ABCC4: variants seen among roughly 807,000 people sequenced by gnomAD.
ABCC4 encodes ATP binding cassette subfamily C member 4 (PEL blood group).
A neutral mutation model predicts 168.5 loss-of-function variants in ABCC4; 102 were observed. The ratio of observed to expected loss-of-function variants is 0.61; its 90% CI spans 0.52 to 0.71. The LOEUF is 0.71. Ranked by LOEUF, ABCC4 falls within the 30% of genes least tolerant of loss-of-function variation. ABCC4 has a pLI of 0.00. For synonymous variants in ABCC4, 617 were observed against 590.7 expected (o/e 1.04, Z -0.65); for missense variants, 1,402 against 1,605.8 (o/e 0.87, Z 2.17).
chr13:95,218,860 AAAAAG>A (rs1175760294), intron 4 of ABCC4, among the ~76,000 whole-genome samples: 25 of 146,946 alleles, frequency 1.7e-4, no homozygotes, highest in Non-Finnish European at 2.5e-4. Context: ...GAAAAGAAAA[AAAAAG>A]AAAAGAAAAG....
intron 20 of ABCC4, among the ~76,000 whole-genome samples, chr13:95,086,788 C>T (rs1474382613): frequency 6.6e-6 from 1 of 152,140 alleles, no homozygotes; most frequent in Non-Finnish European, 1.5e-5. Context: ...CTCTGTCAAC[C>T]TTCTATTAGG....
intron 6 of ABCC4, among the ~76,000 whole-genome samples, chr13:95,208,823 T>C (rs1490707376): frequency 6.6e-6 from 1 of 152,050 alleles, no homozygotes; most frequent in Non-Finnish European, 1.5e-5. Context: ...TTTTGTCATG[T>C]TGGCCAGGCA....
chr13:95,123,546 G>C (rs1364213887), intron 19 of ABCC4, among the ~76,000 whole-genome samples: 3 of 152,080 alleles, frequency 2.0e-5, no homozygotes, highest in African/African-American at 7.2e-5. Flanking sequence ...ATTTTTAGTA[G>C]AGACGGGGTT....
At chr13:95,063,492 T>C (rs2033379181) in intron 25 of ABCC4, among the ~76,000 whole-genome samples, 1 of 152,154 alleles carries the variant, frequency 6.6e-6, no homozygotes, top group Non-Finnish European at 1.5e-5. Context: ...AATTCTGAAG[T>C]GAAGATTGCA....
chr13:95,176,464 C>A (rs931661310), intron 13 of ABCC4, among the ~76,000 whole-genome samples: 14 of 152,242 alleles, frequency 9.2e-5, no homozygotes, highest in African/African-American at 3.4e-4. Context: ...CACTGCACTC[C>A]AGCCTGGGCA....
At chr13:95,124,713 G>GTAA (rs1555316379) in intron 19 of ABCC4, among the ~76,000 whole-genome samples, 1 of 59,212 alleles carries the variant, frequency 1.7e-5, no homozygotes, top group Non-Finnish European at 2.7e-5. Flanking sequence ...TACTAAAAAC[G>GTAA]AAAAAAAAAA....
At chr13:95,053,316 T>C in intron 26 of ABCC4, 132 bp from the exon 27 acceptor site, 1 of 741,664 alleles carries the variant, frequency 1.3e-6, no homozygotes, top group Non-Finnish European at 2.3e-6. Flanking sequence ...TACAAATGCC[T>C]GTTTACAAAA....
intron 29 of ABCC4, among the ~76,000 whole-genome samples, chr13:95,039,213 A>T (rs543351004): frequency 6.6e-6 from 1 of 152,216 alleles, no homozygotes; most frequent in Non-Finnish European, 1.5e-5. Context: ...TTACAGATTC[A>T]GCATACTTAA....
chr13:95,210,912 C>T (rs183088974), intron 4 of ABCC4, 131 bp from the exon 5 acceptor site: 10 of 602,726 alleles, frequency 1.7e-5, no homozygotes, highest in South Asian at 4.4e-5. Context: ...CCCACCCCCC[C>T]ACTGCCCCCT....
chr13:95,057,427 A>T (rs748324242), intron 26 of ABCC4, among the ~76,000 whole-genome samples: 1 of 152,008 alleles, frequency 6.6e-6, no homozygotes, highest in African/African-American at 2.4e-5. Flanking sequence ...TTTAGTAGAG[A>T]CGGGGTTTTA....
At chr13:95,219,220 G>A (rs997437258) in intron 4 of ABCC4, among the ~76,000 whole-genome samples, 4 of 152,174 alleles carry the variant, frequency 2.6e-5, no homozygotes, top group Non-Finnish European at 5.9e-5. Context: ...AGACCCCTCA[G>A]CCCCAGACCC....
chr13:95,147,693 C>T (rs550190712), intron 19 of ABCC4, among the ~76,000 whole-genome samples: 40 of 152,220 alleles, frequency 2.6e-4, no homozygotes, highest in African/African-American at 9.6e-4. Context: ...TAAGTTTCTC[C>T]TACTCCTAAG....
chr13:95,024,437 T>A (rs9302039), intron 30 of ABCC4, among the ~76,000 whole-genome samples: 63,239 of 151,844 alleles, frequency 0.42, 13,274 homozygotes, highest in South Asian at 0.5. Flanking sequence ...CTAATGTAGG[T>A]TGAAACTAAG....
intron 20 of ABCC4, among the ~76,000 whole-genome samples, chr13:95,086,119 G>GTGTGTGTGTGTGTGTGTGTGTGT (rs1555309910): frequency 6.7e-6 from 1 of 150,236 alleles, no homozygotes; most frequent in African/African-American, 2.5e-5. Context: ...GTGTGTGTGT[G>GTGTGTGTGTGTGTGTGTGTGTGT]GTTATATCTG....
intron 6 of ABCC4, 99 bp downstream of exon 6, chr13:95,209,335 T>G: frequency 1.5e-6 from 2 of 1,361,704 alleles, no homozygotes; most frequent in Non-Finnish European, 2.0e-6. Flanking sequence ...AAGGAAGAGA[T>G]AATAAAAGGC....
At chr13:95,176,055 C>T (rs934272458) in intron 13 of ABCC4, among the ~76,000 whole-genome samples, 6 of 152,092 alleles carry the variant, frequency 3.9e-5, no homozygotes, top group Non-Finnish European at 8.8e-5. Context: ...TCTCAGCCAC[C>T]ACAAACCCTT....
intron 19 of ABCC4, among the ~76,000 whole-genome samples, chr13:95,134,703 G>A (rs1055957428): frequency 1.3e-5 from 2 of 152,100 alleles, no homozygotes; most frequent in Non-Finnish European, 2.9e-5. Context: ...CTGGGTGACA[G>A]AGCAAGACTC....
In ABCC4 at chr13:95,286,117, G is replaced by GA. The variant is rs565426524; in HGVS notation, c.74+15123dup. Among the ~76,000 whole-genome samples the GA allele has an allele frequency of 4.7e-4, 30 of 64,162 alleles. 3 individuals are homozygous for GA. The South Asian group carries it at 0.013, about 29-fold the overall frequency. The allele number at this position is 64,162 out of a possible 152,430, so 42.1% of individuals were successfully genotyped here. The stretch of plus-strand genomic sequence containing the variant: ...TGCTCTGCTGTGAAACTGCTTTCCA[G>GA]AAAAACTTTTTTTTTTTTTTGAGAC... On this transcript the variant is annotated intron_variant, in intron 1 of 30. Coordinates refer to ENST00000645237, the MANE Select transcript of ABCC4 (RefSeq NM_005845.5).
At chr13:95,278,988 C>T (rs1311213199) in intron 1 of ABCC4, among the ~76,000 whole-genome samples, 4 of 150,556 alleles carry the variant, frequency 2.7e-5, no homozygotes, top group East Asian at 1.9e-4. Flanking sequence ...AAAAAAAAGA[C>T]GCAAATAACA....
Sources: allele counts gnomAD v4.1 joint callset (sites outside exome capture counted in the v4.1 genomes callset), GRCh38; gene constraint gnomAD v4.1.1; transcripts MANE v1.5; gene names NCBI Gene and HGNC (gene_info 2026-07-23, HGNC 2026-07-21).